CSMD1: variants seen among roughly 807,000 people sequenced by gnomAD.
The protein encoded by CSMD1 is CUB and Sushi multiple domains 1.
Under a neutral mutation model 417.5 loss-of-function variants are expected in CSMD1, and 213 were observed. The observed-to-expected ratio is 0.51, with a 90% CI of 0.46 to 0.57. CSMD1 has a LOEUF of 0.57. Ranked by LOEUF, CSMD1 falls within the 20% of genes least tolerant of loss-of-function variation. The probability of loss-of-function intolerance (pLI) is 0.00; values close to 1 mark genes in which losing one functional copy is unlikely to be tolerated. For synonymous variants in CSMD1, 2,862 were observed against 1,736.8 expected, an observed-to-expected ratio of 1.65 and a Z score of -16.11; for missense variants, 6,923 against 4,529.7, an observed-to-expected ratio of 1.53 and a Z score of -15.17.
At chr8:4,374,672 T>C (rs1318336679) in intron 3 of CSMD1, among the ~76,000 whole-genome samples, 1 of 151,992 alleles carries the variant, frequency 6.6e-6, no homozygotes, top group Non-Finnish European at 1.5e-5. Context: ...GACGGCTAGA[T>C]TATAAAGGTG....
chr8:4,903,390 C>G (rs868480415), intron 1 of CSMD1, among the ~76,000 whole-genome samples: 1 of 152,148 alleles, frequency 6.6e-6, no homozygotes. Context: ...AGCTTCATGT[C>G]TTTAAAACGA....
At chr8:3,411,925 TATATAC>T (rs1812777133) in intron 12 of CSMD1, among the ~76,000 whole-genome samples, 9 of 129,994 alleles carry the variant, frequency 6.9e-5, no homozygotes, top group African/African-American at 1.5e-4. Flanking sequence ...TATGCACGTA[TATATAC>T]ACGTATATAT....
chr8:3,233,418 C>G (rs899048480), intron 26 of CSMD1, among the ~76,000 whole-genome samples: 3 of 152,194 alleles, frequency 2.0e-5, no homozygotes, highest in African/African-American at 7.2e-5. Context: ...CGACCTTGGA[C>G]TTCTCAGCCA....
Position 3,897,875 on chromosome 8 carries a change from A to T in CSMD1, c.818+100028T>A, listed in dbSNP as rs548728089. Among the ~76,000 whole-genome samples the T allele has an allele frequency of 5.6e-4, 86 of 152,316 alleles. 3 individuals are homozygous for T. The South Asian group carries it at 0.018, about 32-fold the overall frequency. On this transcript the variant is annotated intron_variant, in intron 5 of 69. Coordinates refer to ENST00000635120, the MANE Select transcript of CSMD1 (RefSeq NM_033225.6). ...AGTGCTGCTTCTTATAGCCTATGGA[A>T]TCTTGGCCACAGAACAAGTAAGGTG...
At chr8:4,409,528 C>G (rs1379576466) in intron 3 of CSMD1, among the ~76,000 whole-genome samples, 1 of 152,084 alleles carries the variant, frequency 6.6e-6, no homozygotes, top group Non-Finnish European at 1.5e-5. Flanking sequence ...AAATATGTAA[C>G]TAGGCAGCTC....
intron 3 of CSMD1, among the ~76,000 whole-genome samples, chr8:4,106,328 T>C (rs1215621511): frequency 6.6e-6 from 1 of 152,196 alleles, no homozygotes; most frequent in East Asian, 1.9e-4. Flanking sequence ...TAAAAGGAAG[T>C]ATCCACAATA....
chr8:4,651,059 T>G (rs2130895083), intron 1 of CSMD1, among the ~76,000 whole-genome samples: 1 of 152,294 alleles, frequency 6.6e-6, no homozygotes, highest in South Asian at 2.1e-4. Flanking sequence ...GGATCAAAAC[T>G]TTTAGATCTA....
chr8:3,638,879 T>C (rs1478211990), intron 7 of CSMD1, among the ~76,000 whole-genome samples: 1 of 151,770 alleles, frequency 6.6e-6, no homozygotes, highest in Non-Finnish European at 1.5e-5. Flanking sequence ...ACAAGAAAAA[T>C]GGGGTAGGGA....
At chr8:4,488,865 C>T (rs889460456) in intron 2 of CSMD1, among the ~76,000 whole-genome samples, 8 of 152,172 alleles carry the variant, frequency 5.3e-5, no homozygotes, top group Admixed American at 2.0e-4. Flanking sequence ...TATGATAAAA[C>T]GACAGAAATC....
chr8:3,344,668 G>A (rs1029017463), intron 22 of CSMD1, among the ~76,000 whole-genome samples: 1 of 152,066 alleles, frequency 6.6e-6, no homozygotes, highest in Non-Finnish European at 1.5e-5. Flanking sequence ...AGTCTTAGTA[G>A]GCTCTTCCAA....
At chr8:4,847,393 T>A (rs1449726057) in intron 1 of CSMD1, among the ~76,000 whole-genome samples, 1 of 152,182 alleles carries the variant, frequency 6.6e-6, no homozygotes, top group Non-Finnish European at 1.5e-5. Context: ...AATAAATCTT[T>A]TTCAATAAAT....
At chr8:3,459,747 C>T (rs1345752952) in intron 12 of CSMD1, among the ~76,000 whole-genome samples, 1 of 152,100 alleles carries the variant, frequency 6.6e-6, no homozygotes, top group African/African-American at 2.4e-5. Context: ...AAGAATGAGG[C>T]TGCCGGCACA....
chr8:4,006,291 G>T (rs913664984), intron 4 of CSMD1, among the ~76,000 whole-genome samples: 2 of 152,156 alleles, frequency 1.3e-5, no homozygotes, highest in Non-Finnish European at 2.9e-5. Flanking sequence ...AACAAAAAAT[G>T]AAAAGCATTT....
At chr8:2,999,645 T>C (rs892869892) in intron 53 of CSMD1, among the ~76,000 whole-genome samples, 11 of 152,114 alleles carry the variant, frequency 7.2e-5, no homozygotes, top group African/African-American at 1.9e-4. Context: ...CCACCCAGTT[T>C]ATCCTGTGAT....
chr8:4,076,092 G>C (rs1185835025), intron 3 of CSMD1, among the ~76,000 whole-genome samples: 1 of 152,106 alleles, frequency 6.6e-6, no homozygotes, highest in Non-Finnish European at 1.5e-5. Context: ...TTGAATTGCA[G>C]TTCCCATAAT....
intron 5 of CSMD1, among the ~76,000 whole-genome samples, chr8:3,838,598 A>G (rs1802864262): frequency 7.1e-6 from 1 of 140,418 alleles, no homozygotes; most frequent in Non-Finnish European, 1.5e-5. Flanking sequence ...CCCTCTCTAT[A>G]TAAATATTTA....
intron 3 of CSMD1, among the ~76,000 whole-genome samples, chr8:4,241,921 T>A (rs1178034798): frequency 1.3e-5 from 2 of 152,154 alleles, no homozygotes; most frequent in Non-Finnish European, 1.5e-5. Context: ...TGAAGCTATT[T>A]TATACTGTCC....
At chr8:4,094,145 G>A (rs563782269) in intron 3 of CSMD1, among the ~76,000 whole-genome samples, 2 of 152,074 alleles carry the variant, frequency 1.3e-5, no homozygotes, top group African/African-American at 4.8e-5. Flanking sequence ...GGGGGGATGA[G>A]GGGACACAGC....
At chr8:4,578,646 C>G (rs1052343704) in intron 2 of CSMD1, among the ~76,000 whole-genome samples, 2 of 150,936 alleles carry the variant, frequency 1.3e-5, no homozygotes, top group African/African-American at 4.9e-5. Context: ...GAAACCCCAT[C>G]TCTACCAAAA....
Sources: allele counts gnomAD v4.1 joint callset (sites outside exome capture counted in the v4.1 genomes callset), GRCh38; gene constraint gnomAD v4.1.1; transcripts MANE v1.5; gene names NCBI Gene and HGNC (gene_info 2026-07-23, HGNC 2026-07-21).